ANKRD12: variants seen among roughly 807,000 people sequenced by gnomAD.
ANKRD12 encodes the protein ankyrin repeat domain 12.
A neutral mutation model predicts 183.4 loss-of-function variants in ANKRD12; 85 were observed. That is an observed-to-expected ratio of 0.46 (90% CI 0.39 to 0.56). ANKRD12 has a LOEUF of 0.56. Among genes scored for constraint, ANKRD12 ranks in the 20% least tolerant of loss-of-function variants. The pLI, the probability that ANKRD12 is intolerant of heterozygous loss-of-function variation, is 0.00. For synonymous variants in ANKRD12, 914 were observed against 800.2 expected, an observed-to-expected ratio of 1.14 and a Z score of -2.40; for missense variants, 2,405 against 2,357.1, an observed-to-expected ratio of 1.02 and a Z score of -0.42.
At chr18:9,260,957 C>T (rs2038929880) in intron 9 of ANKRD12, among the ~76,000 whole-genome samples, 1 of 152,180 alleles carries the variant, frequency 6.6e-6, no homozygotes. Flanking sequence ...TTCTCTTTCT[C>T]CTTTCCTGTT....
intron 11 of ANKRD12, among the ~76,000 whole-genome samples, chr18:9,276,145 A>G (rs2145456472): frequency 6.6e-6 from 1 of 152,376 alleles, no homozygotes; most frequent in East Asian, 1.9e-4. Flanking sequence ...ACTGCCACAT[A>G]TAAATTACAT....
chr18:9,150,684 C>G (rs1052250346), intron 1 of ANKRD12, among the ~76,000 whole-genome samples: 1 of 151,930 alleles, frequency 6.6e-6, no homozygotes. Flanking sequence ...GACGGAGTCT[C>G]GCCCTGTTGC....
intron 2 of ANKRD12, among the ~76,000 whole-genome samples, chr18:9,187,053 G>A (rs757131790): frequency 1.3e-5 from 2 of 152,194 alleles, no homozygotes; most frequent in Middle Eastern, 3.4e-3. Flanking sequence ...GAGCCACTGC[G>A]CCTGGCCGAT....
intron 10 of ANKRD12, among the ~76,000 whole-genome samples, chr18:9,270,615 T>C (rs887209603): frequency 6.6e-6 from 1 of 151,850 alleles, no homozygotes; most frequent in Non-Finnish European, 1.5e-5. Context: ...GGGCCTGTTG[T>C]GGGGTGGAGG....
chr18:9,137,475 C>G (rs911585219), intron 1 of ANKRD12: 3 of 146,154 alleles, frequency 2.1e-5, no homozygotes, highest in Non-Finnish European at 4.6e-5. Flanking sequence ...GTGCGGCGGT[C>G]GGACCCGCGG....
intron 1 of ANKRD12, among the ~76,000 whole-genome samples, chr18:9,172,089 A>AAAAAAGAGGTCTG (rs1427378064): frequency 1.7e-3 from 257 of 149,626 alleles, no homozygotes; most frequent in African/African-American, 6.1e-3. Context: ...TAGGGTTTCC[A>AAAAAAGAGGTCTG]CTGAGAGGTC....
chr18:9,169,824 T>G (rs2143950223), intron 1 of ANKRD12, among the ~76,000 whole-genome samples: 1 of 152,322 alleles, frequency 6.6e-6, no homozygotes, highest in East Asian at 1.9e-4. Flanking sequence ...TCTTTACAAT[T>G]TGGCATGTTT....
intron 8 of ANKRD12, among the ~76,000 whole-genome samples, chr18:9,236,132 G>A (rs1289100380): frequency 6.6e-6 from 1 of 152,094 alleles, no homozygotes; most frequent in African/African-American, 2.4e-5. Flanking sequence ...CTTAGGAAGA[G>A]GAGACAGGGA....
intron 1 of ANKRD12, among the ~76,000 whole-genome samples, chr18:9,177,373 T>A (rs560770106): frequency 6.6e-6 from 1 of 152,292 alleles, no homozygotes; most frequent in East Asian, 1.9e-4. Context: ...CAACATTTAG[T>A]CTTCTTAGTC....
chr18:9,168,261 T>C (rs915266622), intron 1 of ANKRD12, among the ~76,000 whole-genome samples: 1 of 152,242 alleles, frequency 6.6e-6, no homozygotes, highest in Admixed American at 6.5e-5. Flanking sequence ...ATTCCCTCTT[T>C]TTCTATTGAT....
chr18:9,277,708 GGTGGGAAACT>G (rs2039920460), intron 11 of ANKRD12, among the ~76,000 whole-genome samples: 2 of 137,266 alleles, frequency 1.5e-5, no homozygotes, highest in Non-Finnish European at 3.3e-5. Flanking sequence ...TGGAAATTGA[GGTGGGAAACT>G]GTTAGACAAA....
At chr18:9,262,917 G>C (rs915627970) in intron 9 of ANKRD12, among the ~76,000 whole-genome samples, 2 of 142,776 alleles carry the variant, frequency 1.4e-5, no homozygotes, top group African/African-American at 5.2e-5. Flanking sequence ...TCCTGCCTCA[G>C]CCTCCTGAGA....
At chr18:9,164,389 G>A (rs1383875470) in intron 1 of ANKRD12, among the ~76,000 whole-genome samples, 1 of 151,682 alleles carries the variant, frequency 6.6e-6, no homozygotes, top group Non-Finnish European at 1.5e-5. Context: ...TTTTTTGTGT[G>A]TCTGTCTCCT....
chr18:9,252,467 T>A lies in ANKRD12; in HGVS notation c.944-1744T>A, dbSNP rs1268676022. 2.0e-5 allele frequency among the ~76,000 whole-genome samples: 3 copies of A among 152,178 alleles called. No homozygotes were observed. The East Asian group carries it at 5.8e-4, about 29-fold the overall frequency. ...ATTCACCTGTAGAAATTTCTCCACT[T>A]TCATCATGGACATTAGTGTCAGGAT... On this transcript the variant is annotated intron_variant, in intron 8 of 12. Coordinates refer to ENST00000262126, the MANE Select transcript of ANKRD12 (RefSeq NM_015208.5).
At chr18:9,156,764 C>G (rs760625460) in intron 1 of ANKRD12, among the ~76,000 whole-genome samples, 2 of 152,128 alleles carry the variant, frequency 1.3e-5, no homozygotes, top group Non-Finnish European at 2.9e-5. Context: ...TGGAATATTA[C>G]TCAGCTTTAA....
chr18:9,283,964 A>G lies in ANKRD12; in HGVS notation c.*2838A>G, dbSNP rs996049035. On this transcript the variant is annotated 3_prime_UTR_variant, in exon 13 of 13. Coordinates refer to ENST00000262126, the MANE Select transcript of ANKRD12 (RefSeq NM_015208.5). ...TCAGACGTACTTTAGGTTCCAGACC[A>G]TCTCAGTAAAGCAAATACCACAACA... 3.5e-4 allele frequency: 53 copies of G among 152,330 alleles called. No individual in the cohort carries two copies. Among genetic ancestry groups the G allele is most frequent in the African/African-American group, 1.2e-3 (48 of 41,570 alleles). 9.4% of individuals were successfully genotyped at this position (152,330 alleles called of 1,614,324 possible). A position where few individuals can be genotyped will look rare whatever the true frequency, so the allele number is the denominator to read the frequency against.
intron 3 of ANKRD12, among the ~76,000 whole-genome samples, chr18:9,197,081 A>T (rs1352413198): frequency 3.9e-5 from 6 of 152,222 alleles, no homozygotes; most frequent in Admixed American, 3.9e-4. Context: ...AAATTCAAAA[A>T]ATATTAATAT....
intron 8 of ANKRD12, among the ~76,000 whole-genome samples, chr18:9,250,720 A>G (rs2038241858): frequency 6.6e-6 from 1 of 152,188 alleles, no homozygotes; most frequent in Non-Finnish European, 1.5e-5. Flanking sequence ...CTGTCTCTCA[A>G]AAAAACAAGA....
Position 9,257,332 on chromosome 18 carries a change from T to C in ANKRD12, c.4065T>C (p.Pro1355=). ...SPKPEVFSNV[P]ERDLSNVSNI... The stretch of plus-strand genomic sequence containing the variant: ...AACCTGAGGTATTCTCAAATGTGCC[T>C]GAAAGAGACCTTTCAAATGTATCTA... Residue 1355 remains proline, a synonymous_variant, in exon 9 of 13, where the codon CCT becomes CCC. Coordinates refer to ENST00000262126, the MANE Select transcript of ANKRD12 (RefSeq NM_015208.5). 1.2e-6 allele frequency: 2 copies of C among 1,614,188 alleles called. No homozygotes were observed. The highest frequency in any genetic ancestry group is 1.7e-6 in the Non-Finnish European group (2 of 1,180,018).
Sources: allele counts gnomAD v4.1 joint callset (sites outside exome capture counted in the v4.1 genomes callset), GRCh38; gene constraint gnomAD v4.1.1; transcripts MANE v1.5; gene names NCBI Gene and HGNC (gene_info 2026-07-23, HGNC 2026-07-21).